FOXN3: variants seen among roughly 807,000 people sequenced by gnomAD.
FOXN3 encodes forkhead box N3.
In FOXN3, 7 loss-of-function variants were observed where a neutral mutation model predicts 38.4. The ratio of observed to expected loss-of-function variants is 0.18; its 90% CI spans 0.10 to 0.34. The LOEUF (loss-of-function observed/expected upper bound fraction) is 0.34, where lower values mean the gene tolerates loss of function less well. Ranked by LOEUF, FOXN3 falls within the 10% of genes least tolerant of loss-of-function variation. FOXN3 has a pLI of 1.00. For synonymous variants in FOXN3, 230 were observed against 242.2 expected, an observed-to-expected ratio of 0.95 and a Z score of 0.47; for missense variants, 456 against 613.4, an observed-to-expected ratio of 0.74 and a Z score of 2.71.
chr14:89,358,530 T>C (rs1314106989), intron 2 of FOXN3, among the ~76,000 whole-genome samples: 1 of 152,190 alleles, frequency 6.6e-6, no homozygotes, highest in Non-Finnish European at 1.5e-5. Context: ...CTGCCTTGAG[T>C]AATCATGGCA....
At chr14:89,318,193 A>C (rs1476791122) in intron 3 of FOXN3, among the ~76,000 whole-genome samples, 6 of 121,820 alleles carry the variant, frequency 4.9e-5, no homozygotes, top group Non-Finnish European at 8.1e-5. Flanking sequence ...AGTTTCACTC[A>C]TGTTGCCCAG....
rs1203381867 is a variant in FOXN3 at position 89,511,181 on chromosome 14, CTTT to C, written c.-14-98694_-14-98692del. ...TCTTTCTTTCTTTCTTTCTTTCTTT[CTTT>C]CTTTCTTTTCTTTCTTTCTTTTCTT... On this transcript the variant is annotated intron_variant, in intron 1 of 6. Transcript: ENST00000345097. 4.5e-3 allele frequency among the ~76,000 whole-genome samples: 158 copies of C among 35,194 alleles called. 11 individuals carry two copies. The highest frequency in any genetic ancestry group is 0.012 in the Non-Finnish European group (127 of 10,508). The allele number at this position is 35,194 out of a possible 152,430, so 23.1% of individuals were successfully genotyped here. A position where few individuals can be genotyped will look rare whatever the true frequency, so the allele number is the denominator to read the frequency against.
At chr14:89,461,005 G>A (rs1892835320) in intron 1 of FOXN3, among the ~76,000 whole-genome samples, 1 of 137,388 alleles carries the variant, frequency 7.3e-6, no homozygotes, top group African/African-American at 2.8e-5. Flanking sequence ...TCCAGCCTGG[G>A]CAACAAGAGC....
intron 2 of FOXN3, among the ~76,000 whole-genome samples, chr14:89,410,655 T>C (rs1891518447): frequency 6.6e-6 from 1 of 152,122 alleles, no homozygotes; most frequent in Admixed American, 6.5e-5. Flanking sequence ...GCTGAATCAC[T>C]TGAGCCCTGA....
At chr14:89,333,961 G>GAT (rs1888345378) in intron 3 of FOXN3, among the ~76,000 whole-genome samples, 4 of 59,450 alleles carry the variant, frequency 6.7e-5, no homozygotes, top group Admixed American at 3.4e-4. Flanking sequence ...AAGAAAATGT[G>GAT]GTGTGTATAT....
chr14:89,308,226 T>C (rs954400716), intron 3 of FOXN3, among the ~76,000 whole-genome samples: 19 of 152,222 alleles, frequency 1.2e-4, no homozygotes, highest in Non-Finnish European at 1.6e-4. Flanking sequence ...ACTGTACCAC[T>C]GCACTCCACC....
chr14:89,314,637 CA>C (rs1887668917), intron 3 of FOXN3, among the ~76,000 whole-genome samples: 1 of 152,198 alleles, frequency 6.6e-6, no homozygotes, highest in Admixed American at 6.5e-5. Context: ...GTGCAACACA[CA>C]AAGTCTTAGG....
intron 3 of FOXN3, among the ~76,000 whole-genome samples, chr14:89,296,915 A>G (rs1887056663): frequency 6.6e-6 from 1 of 152,066 alleles, no homozygotes; most frequent in South Asian, 2.1e-4. Flanking sequence ...GGGATTACAG[A>G]TGTGAGCCAC....
At chr14:89,434,350 C>G (rs1287387221) in intron 1 of FOXN3, among the ~76,000 whole-genome samples, 4 of 151,612 alleles carry the variant, frequency 2.6e-5, no homozygotes, top group African/African-American at 9.7e-5. Context: ...GCCTCAGCCT[C>G]CAGAGTAGCT....
At chr14:89,185,593 G>A (rs946246186) in intron 4 of FOXN3, 4 of 152,280 alleles carry the variant, frequency 2.6e-5, no homozygotes, top group African/African-American at 4.8e-5. Flanking sequence ...AGGGCTGGAC[G>A]TTGAAAGTCA....
chr14:89,286,682 A>C (rs912720265), intron 3 of FOXN3, among the ~76,000 whole-genome samples: 4 of 152,208 alleles, frequency 2.6e-5, no homozygotes, highest in Non-Finnish European at 5.9e-5. Context: ...AATCACCAGG[A>C]AATAATAGAA....
chr14:89,561,368 A>G (rs1041764691), intron 1 of FOXN3, among the ~76,000 whole-genome samples: 1 of 152,152 alleles, frequency 6.6e-6, no homozygotes, highest in African/African-American at 2.4e-5. Context: ...ATGCACCACC[A>G]CACCCAGCTA....
intron 2 of FOXN3, among the ~76,000 whole-genome samples, chr14:89,386,340 T>C (rs947093890): frequency 3.3e-5 from 5 of 152,238 alleles, no homozygotes; most frequent in Non-Finnish European, 7.3e-5. Context: ...GCAGGAGCAC[T>C]GGAGTCAGGG....
chr14:89,334,995 G>T (rs1449916498), intron 3 of FOXN3, among the ~76,000 whole-genome samples: 1 of 151,792 alleles, frequency 6.6e-6, no homozygotes, highest in Non-Finnish European at 1.5e-5. Context: ...TTGAACTCCT[G>T]ACCCCATGAT....
intron 4 of FOXN3, among the ~76,000 whole-genome samples, chr14:89,239,344 G>T (rs1364483059): frequency 6.6e-6 from 1 of 152,188 alleles, no homozygotes; most frequent in Non-Finnish European, 1.5e-5. Flanking sequence ...CAGAGAGAAA[G>T]ATCTATTTTC....
chr14:89,339,396 T>G (rs1401600604), intron 3 of FOXN3, among the ~76,000 whole-genome samples: 1 of 152,164 alleles, frequency 6.6e-6, no homozygotes, highest in Non-Finnish European at 1.5e-5. Flanking sequence ...AACCTGAGCC[T>G]CTTTCTAGAC....
intron 5 of FOXN3, among the ~76,000 whole-genome samples, chr14:89,169,527 A>T (rs1460272674): frequency 6.9e-6 from 1 of 145,240 alleles, no homozygotes; most frequent in Non-Finnish European, 1.5e-5. Flanking sequence ...ACACACACAC[A>T]CTCACAAAAC....
intron 5 of FOXN3, among the ~76,000 whole-genome samples, chr14:89,175,490 G>A (rs1887497314): frequency 6.6e-6 from 1 of 152,158 alleles, no homozygotes; most frequent in African/African-American, 2.4e-5. Context: ...AGACAGGCTA[G>A]GTGAATCCAT....
chr14:89,319,329 G>A (rs1053937422), intron 3 of FOXN3, among the ~76,000 whole-genome samples: 3 of 152,126 alleles, frequency 2.0e-5, no homozygotes, highest in Non-Finnish European at 1.5e-5. Flanking sequence ...GGGAAAAGGT[G>A]CATGGGGGTG....
Sources: allele counts gnomAD v4.1 joint callset (sites outside exome capture counted in the v4.1 genomes callset), GRCh38; gene constraint gnomAD v4.1.1; transcripts MANE v1.5; gene names NCBI Gene and HGNC (gene_info 2026-07-23, HGNC 2026-07-21).